The following CSMD1 variants were observed in gnomAD, a reference collection of about 807,000 sequenced individuals.
CSMD1 encodes CUB and Sushi multiple domains 1, also known as CUB and sushi domain-containing protein 1.
In CSMD1, 213 loss-of-function variants were observed where a neutral mutation model predicts 417.5. The ratio of observed to expected loss-of-function variants is 0.51; its 90% CI spans 0.46 to 0.57. CSMD1 has a LOEUF of 0.57. Ranked by LOEUF, CSMD1 falls within the 20% of genes least tolerant of loss-of-function variation. CSMD1 has a pLI of 0.00. For synonymous variants in CSMD1, 2,862 were observed against 1,736.8 expected (o/e 1.65, Z -16.11); for missense variants, 6,923 against 4,529.7 (o/e 1.53, Z -15.17).
intron 1 of CSMD1, among the ~76,000 whole-genome samples, chr8:4,894,566 A>AAAG (rs113291561): frequency 0.88 from 132,521 of 150,092 alleles, 58,970 homozygotes; most frequent in East Asian, 0.97. Flanking sequence ...AAAGAAAAAA[A>AAAG]AAAAAAAAAG....
chr8:4,478,001 C>G (rs191197778), intron 2 of CSMD1, among the ~76,000 whole-genome samples: 3 of 152,128 alleles, frequency 2.0e-5, no homozygotes, highest in Non-Finnish European at 4.4e-5. Context: ...TGTTAAGTAC[C>G]GGGAACTCAG....
In CSMD1 at chr8:3,298,848, G is replaced by T. The variant is rs537280564; in HGVS notation, c.3950+8847C>A. Among the ~76,000 whole-genome samples, 25 of 152,266 alleles carry T rather than the reference G, an allele frequency of 1.6e-4. No individual in the cohort carries two copies. In the South Asian group the frequency reaches 4.4e-3, roughly 27 times the overall value. On this transcript the variant is annotated intron_variant, in intron 25 of 69. Transcript: ENST00000635120. ...AGAGACAATTTGAATAGAGCTCAAA[G>T]GTCTATCCTGAGTCCAGATAATTTT...
At chr8:3,671,212 TA>T (rs1022064619) in intron 7 of CSMD1, among the ~76,000 whole-genome samples, 1 of 147,112 alleles carries the variant, frequency 6.8e-6, no homozygotes, top group African/African-American at 2.5e-5. Context: ...GATCTATGTA[TA>T]GGGGATGTAT....
intron 6 of CSMD1, among the ~76,000 whole-genome samples, chr8:3,753,226 G>C (rs764101420): frequency 5.3e-5 from 8 of 152,132 alleles, no homozygotes; most frequent in Non-Finnish European, 1.2e-4. Context: ...TCAAAGTCAT[G>C]TTATTTTAAT....
chr8:4,532,714 C>A (rs1324326853), intron 2 of CSMD1, among the ~76,000 whole-genome samples: 1 of 144,704 alleles, frequency 6.9e-6, no homozygotes, highest in Non-Finnish European at 1.5e-5. Flanking sequence ...AGAAATCCTG[C>A]ACCCCCATTC....
intron 2 of CSMD1, among the ~76,000 whole-genome samples, chr8:4,630,125 G>A (rs1206602652): frequency 6.6e-6 from 1 of 152,144 alleles, no homozygotes; most frequent in African/African-American, 2.4e-5. Flanking sequence ...GTAGTTGTCT[G>A]AATTCACATG....
chr8:3,815,154 G>A (rs982032529), intron 5 of CSMD1, among the ~76,000 whole-genome samples: 9 of 152,076 alleles, frequency 5.9e-5, no homozygotes, highest in African/African-American at 1.7e-4. Flanking sequence ...CCAGATATAG[G>A]GTGAGAAGCT....
chr8:3,695,116 G>GTGTGTGTGTGT (rs61279256), intron 7 of CSMD1, among the ~76,000 whole-genome samples: 21 of 150,726 alleles, frequency 1.4e-4, no homozygotes, highest in South Asian at 2.1e-4. Context: ...GTGTGTGTGT[G>GTGTGTGTGTGT]GTTATTGAAG....
intron 21 of CSMD1, among the ~76,000 whole-genome samples, chr8:3,358,128 G>C (rs1237735813): frequency 6.6e-6 from 1 of 152,136 alleles, no homozygotes; most frequent in Non-Finnish European, 1.5e-5. Flanking sequence ...GAACATGTTT[G>C]TGTTTTATAT....
chr8:4,130,798 A>G (rs1463770038), intron 3 of CSMD1, among the ~76,000 whole-genome samples: 1 of 151,858 alleles, frequency 6.6e-6, no homozygotes, highest in Non-Finnish European at 1.5e-5. Flanking sequence ...CAATGCTTAC[A>G]AATTATATAT....
intron 3 of CSMD1, among the ~76,000 whole-genome samples, chr8:4,148,532 G>A (rs75586689): frequency 1.0e-3 from 155 of 151,022 alleles, no homozygotes; most frequent in African/African-American, 3.3e-3. Context: ...AAAAAAAAAC[G>A]CATTGGCTAC....
intron 3 of CSMD1, among the ~76,000 whole-genome samples, chr8:4,316,459 A>G (rs897892513): frequency 9.2e-5 from 14 of 152,298 alleles, no homozygotes; most frequent in Admixed American, 3.3e-4. Context: ...TTTCGCCATT[A>G]CTTTCGATGC....
intron 5 of CSMD1, among the ~76,000 whole-genome samples, chr8:3,870,095 C>A (rs1012465570): frequency 1.3e-5 from 2 of 152,078 alleles, no homozygotes; most frequent in Non-Finnish European, 2.9e-5. Context: ...AAGTTATCTA[C>A]TAATAACATG....
intron 5 of CSMD1, among the ~76,000 whole-genome samples, chr8:3,826,262 G>C (rs1334745554): frequency 1.3e-5 from 2 of 152,132 alleles, no homozygotes; most frequent in African/African-American, 2.4e-5. Context: ...CCAGGCACGG[G>C]TCACCCAAAA....
At chr8:4,123,734 A>C (rs2130951877) in intron 3 of CSMD1, among the ~76,000 whole-genome samples, 1 of 152,314 alleles carries the variant, frequency 6.6e-6, no homozygotes, top group South Asian at 2.1e-4. Flanking sequence ...GTAGATCATT[A>C]GAATTCAATG....
intron 5 of CSMD1, among the ~76,000 whole-genome samples, chr8:3,992,835 G>C (rs1159326461): frequency 6.6e-6 from 1 of 152,242 alleles, no homozygotes; most frequent in Non-Finnish European, 1.5e-5. Flanking sequence ...ATTTTAATTG[G>C]TGGCACTGCA....
chr8:4,461,878 C>G (rs747142499), intron 2 of CSMD1, among the ~76,000 whole-genome samples: 2 of 151,698 alleles, frequency 1.3e-5, no homozygotes, highest in Non-Finnish European at 2.9e-5. Context: ...GTAGCTCGGA[C>G]TACAGGAGCC....
chr8:3,172,156 C>T (rs73491797), intron 37 of CSMD1, among the ~76,000 whole-genome samples: 21,035 of 152,150 alleles, frequency 0.14, 1,953 homozygotes, highest in East Asian at 0.47. Flanking sequence ...CAACGTACTG[C>T]GCACTGTGGC....
At chr8:4,711,675 A>ATTT (rs1808308643) in intron 1 of CSMD1, among the ~76,000 whole-genome samples, 1 of 152,170 alleles carries the variant, frequency 6.6e-6, no homozygotes, top group South Asian at 2.1e-4. Context: ...TAAATTTAAA[A>ATTT]AAAAAATCCA....
Sources: gnomAD v4.1 joint callset for allele counts (sites outside exome capture counted in the v4.1 genomes callset) on GRCh38, gnomAD v4.1.1 for gene constraint, MANE v1.5 for transcripts, NCBI Gene and HGNC (gene_info 2026-07-23, HGNC 2026-07-21) for gene names.